The following INTS4 variants were observed in gnomAD, a reference collection of about 807,000 sequenced individuals.
INTS4 encodes integrator complex subunit 4, also known as MSTP093.
INTS4 carries 70 observed loss-of-function variants against 119.5 expected under a neutral mutation model. The ratio of observed to expected loss-of-function variants is 0.59; its 90% confidence interval spans 0.48 to 0.71. The LOEUF (loss-of-function observed/expected upper bound fraction) is 0.71. Ranked by LOEUF, INTS4 falls within the 30% of genes least tolerant of loss-of-function variation. INTS4 has a pLI of 0.00. For synonymous variants in INTS4, 316 were observed against 419.6 expected, an observed-to-expected ratio of 0.75 and a Z score of 3.02; for missense variants, 867 against 1,173.2, an observed-to-expected ratio of 0.74 and a Z score of 3.81.
At chr11:77,901,140 G>C (rs1305433236) in intron 18 of INTS4, among the ~76,000 whole-genome samples, 1 of 152,200 alleles carries the variant, frequency 6.6e-6, no homozygotes, top group Non-Finnish European at 1.5e-5. Flanking sequence ...AGGATACAGA[G>C]TGTCCTTATT....
rs149939615 is a variant in INTS4 at position 77,981,062 on chromosome 11, A to G, written c.364+397T>C. Among the ~76,000 whole-genome samples the G allele has an allele frequency of 2.1e-3, 317 of 152,228 alleles. 1 individual carries two copies. The highest frequency in any genetic ancestry group is 3.7e-3 in the Non-Finnish European group (252 of 68,018). On this transcript the variant is annotated intron_variant, in intron 3 of 22. Transcript: ENST00000534064. ...TACAGGTTTCAGTGTAAGCTGAAAT[A>G]ATCCTTTTAGAAAGCAATAGGGTAA... is the stretch of plus-strand genomic sequence containing the variant.
downstream of INTS4, among the ~76,000 whole-genome samples, chr11:77,874,623 T>C (rs1951548832): frequency 1.3e-5 from 2 of 152,226 alleles, no homozygotes; most frequent in Admixed American, 1.3e-4. Flanking sequence ...GAAGGGAAGC[T>C]GTTTCTCCAC....
intron 2 of INTS4, 26 bp downstream of exon 2, chr11:77,991,082 C>A (rs753100266): frequency 3.2e-6 from 5 of 1,585,132 alleles, no homozygotes; most frequent in Non-Finnish European, 4.3e-6. Context: ...TGATATACTC[C>A]CATCAGATCC....
At chr11:77,984,930 C>T (rs1856397499) in intron 2 of INTS4, among the ~76,000 whole-genome samples, 1 of 128,400 alleles carries the variant, frequency 7.8e-6, no homozygotes, top group Admixed American at 7.8e-5. Context: ...AAAAAAAAAG[C>T]AGATAAGAGA....
At position 77,879,104 on chromosome 11, in the gene INTS4, G is replaced by C. The variant is rs543195366; in HGVS notation, c.2737C>G (p.Leu913Val). 1 of 1,614,182 alleles carries C rather than the reference G, an allele frequency of 6.2e-7. No individual in the cohort carries two copies. Among genetic ancestry groups the C allele is most frequent in the Admixed American group, 1.7e-5 (1 of 60,020 alleles). Residue 913 changes from leucine (L) to valine (V), a missense_variant, in exon 23 of 23, where the codon CTG (leucine) becomes GTG (valine). Physicochemically the swap from Leu to Val is conservative, Grantham distance 32. This residue lies in a region of INTS4 where 122 missense variants were observed against 133.2 expected (regional missense o/e 0.92). Transcript: ENST00000534064. ...GCACTGGAGTTGTAGGCCAGCAGCA[G>C]CCTCACTTCCACCTGGCATGCCTCT... ...WTEACQVEVRLLLAYNSSARI... is the reference protein window; with the variant it reads ...WTEACQVEVRVLLAYNSSARI...
chr11:77,876,337 T>A (rs1168652447), downstream of INTS4, among the ~76,000 whole-genome samples: 1 of 152,024 alleles, frequency 6.6e-6, no homozygotes, highest in Non-Finnish European at 1.5e-5. Context: ...TGCGTATTCA[T>A]TTGTAAATGA....
At chr11:77,933,480 C>T (rs1225519523) in intron 10 of INTS4, among the ~76,000 whole-genome samples, 3 of 152,230 alleles carry the variant, frequency 2.0e-5, no homozygotes, top group Non-Finnish European at 4.4e-5. Context: ...CCAGCCTCGG[C>T]CTCCTGAGGT....
downstream of INTS4, among the ~76,000 whole-genome samples, chr11:77,878,439 T>C (rs1359188613): frequency 1.3e-5 from 2 of 152,130 alleles, no homozygotes; most frequent in Non-Finnish European, 2.9e-5. Context: ...AGCTACTGCC[T>C]GCATTAGGGA....
chr11:77,965,946 T>C (rs922873042), intron 4 of INTS4, among the ~76,000 whole-genome samples: 2 of 152,238 alleles, frequency 1.3e-5, no homozygotes, highest in African/African-American at 4.8e-5. Context: ...TCGCCAACAG[T>C]GTACGAGGGT....
chr11:77,939,422 G>A (rs866833551), intron 9 of INTS4, among the ~76,000 whole-genome samples: 43 of 150,556 alleles, frequency 2.9e-4, no homozygotes, highest in South Asian at 8.3e-4. Flanking sequence ...CCAGCCTGGC[G>A]ACAGAGCGAG....
At chr11:77,941,855 T>A (rs1403366640) in intron 8 of INTS4, among the ~76,000 whole-genome samples, 1 of 152,084 alleles carries the variant, frequency 6.6e-6, no homozygotes, top group Admixed American at 6.6e-5. Context: ...ATTAACTCAT[T>A]TAAATCCTCA....
At chr11:77,962,991 A>C (rs1035992132) in intron 4 of INTS4, among the ~76,000 whole-genome samples, 3 of 152,114 alleles carry the variant, frequency 2.0e-5, no homozygotes, top group Non-Finnish European at 4.4e-5. Flanking sequence ...CTCCAGCCTG[A>C]GCAACAGAGC....
At chr11:77,985,983 C>T (rs1431325833) in intron 2 of INTS4, among the ~76,000 whole-genome samples, 5 of 152,056 alleles carry the variant, frequency 3.3e-5, no homozygotes, top group African/African-American at 1.2e-4. Context: ...ACATAAAATA[C>T]CACATTTCTG....
At chr11:77,931,030 A>G (rs1025619052) in intron 10 of INTS4, among the ~76,000 whole-genome samples, 3 of 152,258 alleles carry the variant, frequency 2.0e-5, no homozygotes, top group African/African-American at 7.2e-5. Context: ...CCCCAGGCTT[A>G]CAAACAAGAA....
At chr11:77,941,826 C>G (rs1384610104) in intron 8 of INTS4, among the ~76,000 whole-genome samples, 3 of 152,002 alleles carry the variant, frequency 2.0e-5, no homozygotes, top group Non-Finnish European at 4.4e-5. Flanking sequence ...ATGTACTATT[C>G]TAAGGGCTTT....
At chr11:77,983,325 G>T (rs912112953) in intron 2 of INTS4, among the ~76,000 whole-genome samples, 9 of 152,246 alleles carry the variant, frequency 5.9e-5, no homozygotes, top group Middle Eastern at 3.4e-3. Flanking sequence ...TATGTTGCCG[G>T]TTTGGTTTTG....
At chr11:77,904,703 T>G (rs910718007) in intron 16 of INTS4, among the ~76,000 whole-genome samples, 4 of 152,196 alleles carry the variant, frequency 2.6e-5, no homozygotes, top group African/African-American at 7.2e-5. Flanking sequence ...TTGACAGTTG[T>G]AGTCAGAAAG....
intron 2 of INTS4, among the ~76,000 whole-genome samples, chr11:77,988,194 A>G (rs1352625735): frequency 1.3e-5 from 2 of 152,248 alleles, no homozygotes; most frequent in Non-Finnish European, 2.9e-5. Flanking sequence ...ATGGATCTGC[A>G]GCCTCTGAAT....
At chr11:77,979,570 G>C (rs997213114) in intron 3 of INTS4, among the ~76,000 whole-genome samples, 4 of 151,572 alleles carry the variant, frequency 2.6e-5, no homozygotes, top group African/African-American at 9.7e-5. Flanking sequence ...AAGGGATCAT[G>C]TTTAAATGTC....
Sources: allele counts gnomAD v4.1 joint callset (sites outside exome capture counted in the v4.1 genomes callset), GRCh38; gene constraint gnomAD v4.1.1; regional missense constraint gnomAD v4.1.1; transcripts MANE v1.5; gene names NCBI Gene and HGNC (gene_info 2026-07-23, HGNC 2026-07-21).